C3orf52: variants seen among roughly 807,000 people sequenced by gnomAD.
C3orf52 encodes the protein TPA-induced transmembrane protein.
In C3orf52, 22 loss-of-function variants were observed where a neutral mutation model predicts 24.8. That is an observed-to-expected ratio of 0.89 (90% CI 0.63 to 1.27). The LOEUF (loss-of-function observed/expected upper bound fraction) is 1.27. Ranked by LOEUF, C3orf52 falls within the 50% of genes most tolerant of loss-of-function variation. The probability of loss-of-function intolerance (pLI) is 0.00; values close to 1 mark genes in which losing one functional copy is unlikely to be tolerated. For missense variants in C3orf52, 265 were observed against 260.7 expected, an observed-to-expected ratio of 1.02 and a Z score of -0.11; for synonymous variants, 93 against 100.2, an observed-to-expected ratio of 0.93 and a Z score of 0.43.
At chr3:112,136,054 GTCTAACT>G in the C3orf52 span, among the ~76,000 whole-genome samples, 232 of 152,300 alleles carry the variant, frequency 1.5e-3, no homozygotes, top group Admixed American at 3.7e-3. Flanking sequence ...ATTTTCTGGA[GTCTAACT>G]TCAGTTGACA....
intron 1 of C3orf52, among the ~76,000 whole-genome samples, chr3:112,091,682 C>G (rs960176619): frequency 6.6e-6 from 1 of 151,862 alleles, no homozygotes; most frequent in Non-Finnish European, 1.5e-5. Flanking sequence ...CTGACCGATT[C>G]GTTTTCTGAT....
intron 2 of C3orf52, among the ~76,000 whole-genome samples, chr3:112,097,262 A>C (rs1235978313): frequency 3.3e-5 from 5 of 152,154 alleles, no homozygotes; most frequent in Non-Finnish European, 7.3e-5. Context: ...CCTGAATAAC[A>C]CTTTACTAAT....
At chr3:112,134,008 T>A (rs2074520301), downstream of C3orf52, 1 of 152,090 alleles carries the variant, frequency 6.6e-6, no homozygotes, top group African/African-American at 2.4e-5. Flanking sequence ...ACCCCAGACC[T>A]CAGCTGGCAG....
chr3:112,101,157 A>G (rs1377696061), intron 2 of C3orf52, among the ~76,000 whole-genome samples: 1 of 152,184 alleles, frequency 6.6e-6, no homozygotes, highest in Non-Finnish European at 1.5e-5. Context: ...TTACTCCTAG[A>G]TTCAACAATT....
At chr3:112,114,145 A>C (rs1442679602) in intron 5 of C3orf52, among the ~76,000 whole-genome samples, 1 of 152,212 alleles carries the variant, frequency 6.6e-6, no homozygotes, top group Admixed American at 6.5e-5. Context: ...GTGTTAGTGC[A>C]TAGTACAAGA....
At chr3:112,089,400 T>C (rs927878728) in intron 1 of C3orf52, among the ~76,000 whole-genome samples, 2 of 151,948 alleles carry the variant, frequency 1.3e-5, no homozygotes, top group African/African-American at 4.8e-5. Context: ...TGGTGGCGCA[T>C]GCCTGTAATC....
chr3:112,128,153 CT>C (rs1011227331), intron 4 of C3orf52: 9 of 1,113,922 alleles, frequency 8.1e-6, no homozygotes, highest in African/African-American at 4.6e-5. Flanking sequence ...CTGTGGAAAA[CT>C]TTTTTTCTCC....
intron 5 of C3orf52, among the ~76,000 whole-genome samples, chr3:112,113,807 CAG>C (rs2074109287): frequency 6.6e-6 from 1 of 152,216 alleles, no homozygotes; most frequent in Non-Finnish European, 1.5e-5. Flanking sequence ...CAAAACCTGA[CAG>C]AAAGGAAGGT....
downstream of C3orf52, chr3:112,129,439 A>G (rs562906033): frequency 1.3e-5 from 2 of 152,312 alleles, no homozygotes; most frequent in African/African-American, 2.4e-5. Context: ...TTGCATTTCA[A>G]CATGGTGGTT....
chr3:112,101,172 A>G (rs192363303), intron 2 of C3orf52, among the ~76,000 whole-genome samples: 97 of 152,322 alleles, frequency 6.4e-4, no homozygotes, highest in Middle Eastern at 3.4e-3. Context: ...ACAATTTGCT[A>G]GGAGGATACA....
intron 1 of C3orf52, among the ~76,000 whole-genome samples, chr3:112,087,266 C>T (rs998760175): frequency 6.6e-6 from 1 of 152,162 alleles, no homozygotes; most frequent in African/African-American, 2.4e-5. Context: ...CTTCGCCCAC[C>T]TTGCTTTTAC....
At chr3:112,132,153 A>G (rs2074470672), downstream of C3orf52, among the ~76,000 whole-genome samples, 1 of 152,194 alleles carries the variant, frequency 6.6e-6, no homozygotes, top group South Asian at 2.1e-4. Flanking sequence ...GGGCTGTGAC[A>G]ACCCAGGGTA....
chr3:112,110,235 C>G (rs1238189506), intron 4 of C3orf52, among the ~76,000 whole-genome samples: 1 of 152,020 alleles, frequency 6.6e-6, no homozygotes, highest in Non-Finnish European at 1.5e-5. Flanking sequence ...GAGGCTGAGG[C>G]AGGAGAATCT....
downstream of C3orf52, chr3:112,135,301 G>A (rs2074540012): frequency 6.6e-6 from 1 of 152,190 alleles, no homozygotes; most frequent in South Asian, 2.1e-4. Context: ...GGTAAGAAAA[G>A]CAGATACAGG....
At position 112,127,131 on chromosome 3, in the gene C3orf52, T is replaced by TTA. The variant is rs990297734; in HGVS notation, c.*47-1097_*47-1096dup. ...ACTTACTTTTAACTCTTTGTTAAAG[T>TTA]TATATACCTTTTATAATACCTCCTT... On this transcript the variant is annotated intron_variant, in intron 4 of 4. Coordinates refer to the C3orf52 transcript ENST00000480282. The TTA allele has an allele frequency of 4.1e-6, 3 of 723,894 alleles. No homozygotes were observed. The African/African-American group carries it at 5.4e-5, about 13-fold the overall frequency. 44.8% of individuals were successfully genotyped at this position (723,894 alleles called of 1,614,324 possible).
At chr3:112,109,419 G>C (rs938222936) in intron 3 of C3orf52, 124 bp from the exon 4 acceptor site, 1 of 517,772 alleles carries the variant, frequency 1.9e-6, no homozygotes, top group Non-Finnish European at 3.5e-6. Context: ...AGAGCTTCCA[G>C]ATAACGTTGA....
At chr3:112,136,381 A>G in the C3orf52 span, among the ~76,000 whole-genome samples, 2 of 152,038 alleles carry the variant, frequency 1.3e-5, no homozygotes, top group Non-Finnish European at 2.9e-5. Context: ...TTTCTCTTCT[A>G]TTTTTGTGGT....
downstream of C3orf52, among the ~76,000 whole-genome samples, chr3:112,135,542 G>A (rs1413331892): frequency 6.6e-6 from 1 of 151,866 alleles, no homozygotes; most frequent in East Asian, 1.9e-4. Context: ...GCTCTGTGAG[G>A]GATTTCCAGG....
chr3:112,093,278 T>G, intron 1 of C3orf52, 82 bp from the exon 2 acceptor site: 1 of 1,473,830 alleles, frequency 6.8e-7, no homozygotes, highest in Non-Finnish European at 9.3e-7. Flanking sequence ...CCTTCATTTC[T>G]GTGTCTCTGG....
Sources: gnomAD v4.1 joint callset for allele counts (sites outside exome capture counted in the v4.1 genomes callset) on GRCh38, gnomAD v4.1.1 for gene constraint, MANE v1.5 for transcripts, NCBI Gene and HGNC (gene_info 2026-07-23, HGNC 2026-07-21) for gene names.